The following SGCZ variants were observed in gnomAD, a reference collection of about 807,000 sequenced individuals.
The protein encoded by SGCZ is sarcoglycan zeta.
SGCZ carries 40 observed loss-of-function variants against 41.3 expected under a neutral mutation model. The ratio of observed to expected loss-of-function variants is 0.97; its 90% CI spans 0.75 to 1.26. SGCZ has a LOEUF of 1.26. Among genes scored for constraint, SGCZ ranks in the 50% most tolerant of loss-of-function variants. The probability of loss-of-function intolerance (pLI) is 0.00; values close to 1 mark genes in which losing one functional copy is unlikely to be tolerated. For synonymous variants in SGCZ, 206 were observed against 137.5 expected (o/e 1.50, Z -3.49); for missense variants, 552 against 369.8 (o/e 1.49, Z -4.04).
intron 4 of SGCZ, among the ~76,000 whole-genome samples, chr8:14,219,576 G>A (rs1049832782): frequency 4.6e-5 from 7 of 152,112 alleles, no homozygotes; most frequent in African/African-American, 9.6e-5. Flanking sequence ...ATGAAACCCC[G>A]TCTCTACTAA....
intron 3 of SGCZ, among the ~76,000 whole-genome samples, chr8:14,254,161 T>C (rs984872420): frequency 2.0e-5 from 3 of 152,190 alleles, no homozygotes; most frequent in Non-Finnish European, 4.4e-5. Context: ...TCGTTGCTTA[T>C]AATCAGCTTG....
intron 1 of SGCZ, among the ~76,000 whole-genome samples, chr8:14,990,344 C>T (rs1380429105): frequency 2.6e-5 from 4 of 152,044 alleles, no homozygotes; most frequent in East Asian, 1.9e-4. Context: ...GGTACCAGAT[C>T]CCTGGCCTGT....
At chr8:14,645,353 G>A (rs1160521587) in intron 1 of SGCZ, among the ~76,000 whole-genome samples, 1 of 150,522 alleles carries the variant, frequency 6.6e-6, no homozygotes, top group Non-Finnish European at 1.5e-5. Context: ...AAATTGAAGG[G>A]AAAGTTTTCC....
intron 1 of SGCZ, among the ~76,000 whole-genome samples, chr8:14,821,550 G>T (rs564834642): frequency 1.3e-5 from 2 of 151,854 alleles, no homozygotes; most frequent in African/African-American, 2.4e-5. Context: ...GATGAACATA[G>T]ATGTAAAAAT....
chr8:14,350,472 T>A (rs1444781670), intron 2 of SGCZ, among the ~76,000 whole-genome samples: 2 of 152,002 alleles, frequency 1.3e-5, no homozygotes, highest in Non-Finnish European at 2.9e-5. Flanking sequence ...CTATCAGGAG[T>A]GTTAGGGGCT....
intron 1 of SGCZ, among the ~76,000 whole-genome samples, chr8:14,833,166 C>T (rs1802588936): frequency 2.0e-5 from 3 of 151,964 alleles, no homozygotes; most frequent in African/African-American, 7.2e-5. Context: ...TTAATGTATT[C>T]AGGTTTTGAA....
At chr8:14,282,592 A>T (rs1800483735) in intron 3 of SGCZ, among the ~76,000 whole-genome samples, 1 of 152,072 alleles carries the variant, frequency 6.6e-6, no homozygotes, top group Admixed American at 6.6e-5. Flanking sequence ...TTCCTCAGCC[A>T]ACTTCTATGG....
intron 6 of SGCZ, among the ~76,000 whole-genome samples, chr8:14,103,013 T>G (rs1802082665): frequency 1.3e-5 from 2 of 152,202 alleles, no homozygotes; most frequent in Admixed American, 6.5e-5. Flanking sequence ...GTGCAAAATA[T>G]TATGAACTTG....
rs187168562 is a variant in SGCZ at position 14,719,805 on chromosome 8, G to T, written c.40-164879C>A. ...AAAATTTTCTCCCATTTTGTAGGTT[G>T]CCTGTTCACTCTGATGGTAGTTTCT... On this transcript the variant is annotated intron_variant, in intron 1 of 7. Coordinates refer to ENST00000382080, the MANE Select transcript of SGCZ (RefSeq NM_139167.4). 2.6e-5 allele frequency among the ~76,000 whole-genome samples: 4 copies of T among 151,908 alleles called. No homozygotes were observed. The South Asian group carries it at 8.4e-4, about 32-fold the overall frequency.
chr8:14,704,626 T>C (rs909014421), intron 1 of SGCZ, among the ~76,000 whole-genome samples: 1 of 151,998 alleles, frequency 6.6e-6, no homozygotes, highest in African/African-American at 2.4e-5. Context: ...AAGGCTCACT[T>C]TCTCCATCTT....
At chr8:14,358,974 G>A (rs771166265) in intron 2 of SGCZ, among the ~76,000 whole-genome samples, 1 of 152,014 alleles carries the variant, frequency 6.6e-6, no homozygotes, top group African/African-American at 2.4e-5. Flanking sequence ...CTTTGGACCT[G>A]CTCTTTTGTT....
At chr8:14,639,159 T>A (rs935647710) in intron 1 of SGCZ, among the ~76,000 whole-genome samples, 1 of 150,960 alleles carries the variant, frequency 6.6e-6, no homozygotes, top group Non-Finnish European at 1.5e-5. Flanking sequence ...GATTCTCCTG[T>A]CTCAGAAAAA....
At chr8:14,524,572 A>C (rs1802884135) in intron 2 of SGCZ, among the ~76,000 whole-genome samples, 1 of 152,152 alleles carries the variant, frequency 6.6e-6, no homozygotes, top group Admixed American at 6.6e-5. Context: ...ATAAACATAC[A>C]TTTTAAAAAA....
intron 4 of SGCZ, among the ~76,000 whole-genome samples, chr8:14,188,508 T>C (rs1022303794): frequency 3.9e-5 from 6 of 152,312 alleles, no homozygotes; most frequent in African/African-American, 1.2e-4. Context: ...AATCTTTGAA[T>C]GCAGAAAGTA....
chr8:14,548,368 G>A (rs1016783752), intron 2 of SGCZ, among the ~76,000 whole-genome samples: 1 of 152,272 alleles, frequency 6.6e-6, no homozygotes, highest in Middle Eastern at 3.4e-3. Context: ...GGGCAGGGAA[G>A]ACAGGGTCCT....
chr8:15,103,011 T>C (rs1368358403), intron 1 of SGCZ, among the ~76,000 whole-genome samples: 1 of 152,156 alleles, frequency 6.6e-6, no homozygotes, highest in African/African-American at 2.4e-5. Context: ...AACAATATAA[T>C]GTAATATAAA....
chr8:15,019,571 T>C (rs1803175400), intron 1 of SGCZ, among the ~76,000 whole-genome samples: 1 of 152,050 alleles, frequency 6.6e-6, no homozygotes, highest in South Asian at 2.1e-4. Flanking sequence ...TCAGCTTTTC[T>C]TGCCTGCTTG....
intron 1 of SGCZ, among the ~76,000 whole-genome samples, chr8:14,991,207 CATTCTCATTCTGGGGAAGGTCTTT>C (rs1424250664): frequency 1.3e-5 from 2 of 152,048 alleles, no homozygotes; most frequent in Admixed American, 1.3e-4. Context: ...TTGTTAATTG[CATTCTCATTCTGGGGAAGGTCTTT>C]ATTCTCATTC....
intron 2 of SGCZ, among the ~76,000 whole-genome samples, chr8:14,394,064 C>T (rs961710038): frequency 3.3e-5 from 5 of 151,304 alleles, no homozygotes; most frequent in African/African-American, 7.3e-5. Context: ...ATTTTATGTT[C>T]GCAGGAAAAC....
Sources: allele counts gnomAD v4.1 joint callset (sites outside exome capture counted in the v4.1 genomes callset), GRCh38; gene constraint gnomAD v4.1.1; transcripts MANE v1.5; gene names NCBI Gene and HGNC (gene_info 2026-07-23, HGNC 2026-07-21).